The following ATP6V1G1 variants were observed in gnomAD, a reference collection of about 807,000 sequenced individuals.
ATP6V1G1 encodes V-type proton ATPase subunit G 1.
In ATP6V1G1, 14 loss-of-function variants were observed where a neutral mutation model predicts 14.2. That is an observed-to-expected ratio of 0.99 (90% CI 0.65 to 1.55). The LOEUF is 1.55. ATP6V1G1 is among the 40% of genes most tolerant of loss of function. The pLI, the probability that ATP6V1G1 is intolerant of heterozygous loss-of-function variation, is 0.00. For missense variants in ATP6V1G1, 137 were observed against 146.4 expected, an observed-to-expected ratio of 0.94 and a Z score of 0.33; for synonymous variants, 65 against 53.3, an observed-to-expected ratio of 1.22 and a Z score of -0.96.
intron 2 of ATP6V1G1, among the ~76,000 whole-genome samples, chr9:114,594,703 C>A (rs1273733857): frequency 1.3e-5 from 2 of 151,688 alleles, no homozygotes; most frequent in Admixed American, 1.3e-4. Flanking sequence ...TTTTTACATT[C>A]TTTTTTCTTT....
chr9:114,597,691 TTGTC>T lies in ATP6V1G1; in HGVS notation c.309_312del (p.Cys104ThrfsTer12). ...GAAGTCTTGGACAACCTCTTGGCTTTTGTCTGTGACATTCGGCCAGAAATCCATG... is the reference window on the plus strand; with the variant it reads ...GAAGTCTTGGACAACCTCTTGGCTTTTGTGACATTCGGCCAGAAATCCATG... On this transcript the variant is annotated frameshift_variant, in exon 3 of 3. Transcript: ENST00000374050. LOFTEE classifies it high-confidence loss of function. The T allele has an allele frequency of 1.3e-6, 2 of 1,590,734 alleles. No individual in the cohort carries two copies. The highest frequency in any genetic ancestry group is 1.7e-6 in the Non-Finnish European group (2 of 1,171,438).
intron 1 of ATP6V1G1, among the ~76,000 whole-genome samples, chr9:114,589,781 C>T (rs935289186): frequency 1.7e-5 from 1 of 58,942 alleles, no homozygotes; most frequent in Non-Finnish European, 2.9e-5. Context: ...GGAAAAAATG[C>T]TTGGAATAGG....
rs1014031242 is a variant in ATP6V1G1 at position 114,597,900 on chromosome 9, CT to C, written c.*163del. ...ACTTTTTGGAGAGTAGCAAATCTAG[CT>C]TTTTTGTACAGACTTAGAAATTATC... is the stretch of plus-strand genomic sequence containing the variant. On this transcript the variant is annotated 3_prime_UTR_variant, in exon 3 of 3. Transcript: ENST00000374050. 4.8e-5 allele frequency: 28 copies of C among 578,920 alleles called. No individual in the cohort carries two copies. The African/African-American group carries it at 5.0e-4, about 10-fold the overall frequency. 35.9% of individuals were successfully genotyped at this position (578,920 alleles called of 1,614,324 possible). A position where few individuals can be genotyped will look rare whatever the true frequency, so the allele number is the denominator to read the frequency against.
intron 2 of ATP6V1G1, 137 bp downstream of exon 2, chr9:114,592,789 C>G (rs1190030301): frequency 2.4e-6 from 2 of 817,338 alleles, no homozygotes; most frequent in Non-Finnish European, 3.8e-6. Flanking sequence ...ATTGGCTGCT[C>G]AGGCATCTGT....
At chr9:114,590,400 G>A (rs937445078) in intron 1 of ATP6V1G1, among the ~76,000 whole-genome samples, 4 of 151,702 alleles carry the variant, frequency 2.6e-5, no homozygotes, top group South Asian at 2.1e-4. Context: ...GGGATTACAG[G>A]TGCCTACCAC....
At position 114,598,332 on chromosome 9, in the gene ATP6V1G1, G is replaced by A. The variant is rs1297902709; in HGVS notation, c.*589G>A. On this transcript the variant is annotated 3_prime_UTR_variant, in exon 3 of 3. Transcript: ENST00000374050. ...CAAGAACTTGTTACATGTATTACTT[G>A]GTGTATCGATAATCATTTAAAAGTA... 1 of 152,278 alleles carries A rather than the reference G, an allele frequency of 6.6e-6. No homozygotes were observed. The highest frequency in any genetic ancestry group is 2.4e-5 in the African/African-American group (1 of 41,344). 9.4% of individuals were successfully genotyped at this position (152,278 alleles called of 1,614,324 possible).
At chr9:114,596,012 G>A (rs554516491) in intron 2 of ATP6V1G1, among the ~76,000 whole-genome samples, 1 of 152,222 alleles carries the variant, frequency 6.6e-6, no homozygotes, top group East Asian at 1.9e-4. Flanking sequence ...AGGCACAGCA[G>A]TTAACAAAAA....
chr9:114,596,371 G>C (rs1332671721), intron 2 of ATP6V1G1, among the ~76,000 whole-genome samples: 1 of 144,060 alleles, frequency 6.9e-6, no homozygotes, highest in Non-Finnish European at 1.5e-5. Flanking sequence ...CTGGACGACA[G>C]AGCGAGACTC....
intron 2 of ATP6V1G1, among the ~76,000 whole-genome samples, chr9:114,593,893 C>T (rs1270280465): frequency 6.6e-6 from 1 of 152,026 alleles, no homozygotes; most frequent in Admixed American, 6.6e-5. Context: ...AAGTTCAAAA[C>T]CAGCCTGGGC....
chr9:114,588,075 C>T, intron 1 of ATP6V1G1, 155 bp downstream of exon 1: 1 of 797,136 alleles, frequency 1.3e-6, no homozygotes, highest in Non-Finnish European at 1.9e-6. Flanking sequence ...GGAGCTGAGG[C>T]TCTGGAAGGC....
rs763968695 is a variant in ATP6V1G1 at position 114,597,594 on chromosome 9, A to C, written c.208A>C (p.Ser70Arg). The C allele has an allele frequency of 6.6e-7, 1 of 1,525,428 alleles. No homozygotes were observed. The highest frequency in any genetic ancestry group is 2.5e-5 in the East Asian group (1 of 40,340). 94.5% of individuals were successfully genotyped at this position (1,525,428 alleles called of 1,614,324 possible). The change falls in exon 3 of 3, where the codon AGC becomes CGC. Residue 70 changes from serine (S) to arginine (R), a missense_variant. Ser to Arg is a moderately radical substitution (Grantham distance 110, BLOSUM62 -1). Transcript: ENST00000374050. ...GGCATTGGGATCCCGTGGCAGTTGC[A>C]GCACTGAAGTGGAGAAGGAGACCCA... ...AAALGSRGSC[S>R]TEVEKETQEK... is the part of the protein sequence containing the mutation.
At position 114,597,581 on chromosome 9, in the gene ATP6V1G1, C is replaced by G; in HGVS notation, c.195C>G (p.Ser65=). The G allele has an allele frequency of 6.6e-7, 1 of 1,504,144 alleles. No homozygotes were observed. Among genetic ancestry groups the G allele is most frequent in the Non-Finnish European group, 8.9e-7 (1 of 1,126,562 alleles). 93.2% of individuals were successfully genotyped at this position (1,504,144 alleles called of 1,614,324 possible). Residue 65 remains serine, a synonymous_variant, in exon 3 of 3, where the codon TCC becomes TCG. Transcript: ENST00000374050. ...FKAKEAAALG[S]RGSCSTEVEK... ...CTCCCCATCTCCAGGCATTGGGATC[C>G]CGTGGCAGTTGCAGCACTGAAGTGG...
At chr9:114,596,470 A>G (rs1369386420) in intron 2 of ATP6V1G1, among the ~76,000 whole-genome samples, 1 of 151,546 alleles carries the variant, frequency 6.6e-6, no homozygotes, top group Non-Finnish European at 1.5e-5. Flanking sequence ...CCTCAGAGCC[A>G]GTCACTGTTA....
Position 114,592,577 on chromosome 9 carries a change from C to A in ATP6V1G1, c.108C>A (p.Ala36=). The A allele has an allele frequency of 6.4e-7, 1 of 1,569,566 alleles. No homozygotes were observed. Among genetic ancestry groups the A allele is most frequent in the East Asian group, 2.3e-5 (1 of 43,008 alleles). Residue 36 remains alanine, a synonymous_variant, in exon 2 of 3, where the codon GCC becomes GCA. Coordinates refer to ENST00000374050, the MANE Select transcript of ATP6V1G1 (RefSeq NM_004888.4). ...GAAAGAACCGGAGGCTGAAGCAGGC[C>A]AAAGAAGAAGCTCAGGCTGAAATTG... is the stretch of plus-strand genomic sequence containing the variant. ...RKRKNRRLKQ[A]KEEAQAEIEQ... is the part of the protein sequence containing the mutation.
intron 1 of ATP6V1G1, among the ~76,000 whole-genome samples, chr9:114,590,342 C>T (rs1372279043): frequency 6.6e-6 from 1 of 150,992 alleles, no homozygotes; most frequent in African/African-American, 2.4e-5. Context: ...TCACTGCATC[C>T]TCCACCTCCA....
At chr9:114,591,965 C>T (rs1845186497) in intron 1 of ATP6V1G1, among the ~76,000 whole-genome samples, 1 of 152,180 alleles carries the variant, frequency 6.6e-6, no homozygotes, top group African/African-American at 2.4e-5. Context: ...TGTGTCTCCT[C>T]TTCTCTCAGC....
Position 114,597,599 on chromosome 9 carries a change from T to C in ATP6V1G1, c.213T>C (p.Thr71=), listed in dbSNP as rs753854212. 1 of 1,542,236 alleles carries C rather than the reference T, an allele frequency of 6.5e-7. No individual in the cohort carries two copies. Among genetic ancestry groups the C allele is most frequent in the Non-Finnish European group, 8.7e-7 (1 of 1,146,458 alleles). ...AALGSRGSCS[T]EVEKETQEKM... ...TGGGATCCCGTGGCAGTTGCAGCAC[T>C]GAAGTGGAGAAGGAGACCCAGGAGA... The change falls in exon 3 of 3, where the codon ACT becomes ACC. Residue 71 remains threonine, a synonymous_variant. Transcript: ENST00000374050.
At chr9:114,595,829 T>G (rs538269313) in intron 2 of ATP6V1G1, among the ~76,000 whole-genome samples, 131 of 152,126 alleles carry the variant, frequency 8.6e-4, no homozygotes, top group African/African-American at 3.1e-3. Flanking sequence ...TTGTGAGGAA[T>G]AGGTAATGGA....
At position 114,592,725 on chromosome 9, in the gene ATP6V1G1, A is replaced by C. The variant is rs141971687; in HGVS notation, c.183+73A>C. 47 of 1,453,572 alleles carry C rather than the reference A, an allele frequency of 3.2e-5. 1 individual carries two copies. The African/African-American group carries it at 3.5e-4, about 11-fold the overall frequency. 90.0% of individuals were successfully genotyped at this position (1,453,572 alleles called of 1,614,324 possible). A position where few individuals can be genotyped will look rare whatever the true frequency, so the allele number is the denominator to read the frequency against. ...TCCCGCCAAGGCTTTCAGAATATCC[A>C]GCATAGCTCAGAGATCCTGGTCGAA... On this transcript the variant is annotated intron_variant, in intron 2 of 2. Transcript: ENST00000374050.
Sources: allele counts gnomAD v4.1 joint callset (sites outside exome capture counted in the v4.1 genomes callset), GRCh38; gene constraint gnomAD v4.1.1; transcripts MANE v1.5; gene names NCBI Gene and HGNC (gene_info 2026-07-23, HGNC 2026-07-21).